The following NAV2 variants were observed in gnomAD, a reference collection of about 807,000 sequenced individuals.
The protein encoded by NAV2 is neuron navigator 2.
NAV2 carries 54 observed loss-of-function variants against 223.2 expected under a neutral mutation model. That is an observed-to-expected ratio of 0.24 (90% CI 0.19 to 0.30). The LOEUF is 0.30. Ranked by LOEUF, NAV2 falls within the 10% of genes least tolerant of loss-of-function variation. The pLI, the probability that NAV2 is intolerant of heterozygous loss-of-function variation, is 1.00. For synonymous variants in NAV2, 1,279 were observed against 1,239.3 expected (o/e 1.03, Z -0.67); for missense variants, 2,806 against 3,147.5 (o/e 0.89, Z 2.60).
Position 19,984,235 on chromosome 11 carries a change from G to T in NAV2, c.2756G>T (p.Gly919Val), listed in dbSNP as rs1387910876. ...TLQRNTSLGL[G>V]DADSWDDSSS... ...CAACGAAATACCTCCCTGGGCCTCG[G>T]AGACGCTGACAGGTAAGCTTGCTGC... Residue 919 changes from glycine to valine, a missense_variant, in exon 11 of 38, where the codon GGA becomes GTA. This residue lies in a region of NAV2 where 73 missense variants were observed against 119.7 expected (regional missense o/e 0.61). Coordinates refer to ENST00000349880, the MANE Select transcript of NAV2 (RefSeq NM_145117.5). 6.2e-7 allele frequency: 1 copy of T among 1,614,082 alleles called. No individual in the cohort carries two copies. The highest frequency in any genetic ancestry group is 8.5e-7 in the Non-Finnish European group (1 of 1,180,016).
chr11:19,460,563 A>G (rs1331468557), intron 1 of NAV2, among the ~76,000 whole-genome samples: 1 of 148,112 alleles, frequency 6.8e-6, no homozygotes, highest in Non-Finnish European at 1.5e-5. Flanking sequence ...AAAACCAAAC[A>G]CCGCATGTTC....
intron 30 of NAV2, among the ~76,000 whole-genome samples, chr11:20,096,396 T>C (rs933139314): frequency 3.3e-5 from 5 of 152,220 alleles, no homozygotes; most frequent in African/African-American, 1.2e-4. Context: ...TTGGTACATT[T>C]TTTCTATTGT....
chr11:19,996,563 C>G (rs1029366610), intron 11 of NAV2, among the ~76,000 whole-genome samples: 1 of 152,174 alleles, frequency 6.6e-6, no homozygotes, highest in Non-Finnish European at 1.5e-5. Flanking sequence ...TGTTTTATTG[C>G]CAGAACCCCC....
intron 4 of NAV2, among the ~76,000 whole-genome samples, chr11:19,873,225 G>A (rs2062634424): frequency 1.3e-5 from 2 of 152,184 alleles, no homozygotes; most frequent in African/African-American, 4.8e-5. Context: ...GATCAAGCCA[G>A]TCATATTAAA....
intron 1 of NAV2, among the ~76,000 whole-genome samples, chr11:19,535,218 T>C (rs1038575408): frequency 2.0e-5 from 3 of 152,016 alleles, no homozygotes; most frequent in Non-Finnish European, 2.9e-5. Flanking sequence ...GCTGCTGGAA[T>C]GGAAAGAGAG....
At chr11:20,085,324 A>G (rs1045047302) in intron 26 of NAV2, among the ~76,000 whole-genome samples, 1 of 152,168 alleles carries the variant, frequency 6.6e-6, no homozygotes, top group African/African-American at 2.4e-5. Context: ...AGTTGTGGTT[A>G]CGATAAAGTA....
At chr11:19,365,725 G>T (rs1052763988) in intron 1 of NAV2, among the ~76,000 whole-genome samples, 3 of 152,132 alleles carry the variant, frequency 2.0e-5, no homozygotes, top group Admixed American at 2.0e-4. Flanking sequence ...ATTTAAAGAG[G>T]CTTTATATTT....
chr11:19,534,481 AG>A (rs1215918799), intron 1 of NAV2, among the ~76,000 whole-genome samples: 1 of 152,220 alleles, frequency 6.6e-6, no homozygotes, highest in South Asian at 2.1e-4. Flanking sequence ...GTCTCATGGA[AG>A]GAGAGCAATA....
rs189753147 is a variant in NAV2 at position 19,360,672 on chromosome 11, A to T, written c.75+9645A>T. 3.4e-3 allele frequency among the ~76,000 whole-genome samples: 511 copies of T among 152,350 alleles called. 1 individual carries two copies. Among genetic ancestry groups the T allele is most frequent in the Non-Finnish European group, 5.4e-3 (366 of 68,040 alleles). On this transcript the variant is annotated intron_variant, in intron 1 of 37. Coordinates refer to the NAV2 transcript ENST00000360655. ...AGGGTGGATCGCTCCAGAAGAAGGC[A>T]TGAGTGGACAGGCAGTGATTGACAT...
intron 11 of NAV2, among the ~76,000 whole-genome samples, chr11:20,013,464 C>G (rs1487096895): frequency 1.3e-5 from 1 of 78,006 alleles, no homozygotes; most frequent in Non-Finnish European, 2.5e-5. Context: ...GAGTTGGGCT[C>G]TTTGCCAAAC....
chr11:19,744,590 A>T (rs952646435), intron 1 of NAV2, among the ~76,000 whole-genome samples: 6 of 152,064 alleles, frequency 3.9e-5, no homozygotes, highest in Non-Finnish European at 7.4e-5. Context: ...GATTTGTGAC[A>T]TGGGTATAAA....
intron 1 of NAV2, among the ~76,000 whole-genome samples, chr11:19,672,356 A>G (rs2048595716): frequency 6.6e-6 from 1 of 152,036 alleles, no homozygotes; most frequent in Non-Finnish European, 1.5e-5. Flanking sequence ...CTTAGCAGTG[A>G]GGGAGATCTA....
chr11:19,946,864 A>G (rs1177888125), intron 9 of NAV2, among the ~76,000 whole-genome samples: 2 of 152,212 alleles, frequency 1.3e-5, no homozygotes, highest in Non-Finnish European at 2.9e-5. Flanking sequence ...AATAGCTTGA[A>G]TTCCTACCCA....
intron 2 of NAV2, among the ~76,000 whole-genome samples, chr11:19,840,544 T>C (rs2060454184): frequency 6.6e-6 from 1 of 152,222 alleles, no homozygotes; most frequent in Non-Finnish European, 1.5e-5. Flanking sequence ...AGTATCCATT[T>C]GGAAGACACC....
intron 1 of NAV2, among the ~76,000 whole-genome samples, chr11:19,368,937 A>G (rs1848379586): frequency 6.6e-6 from 1 of 152,214 alleles, no homozygotes; most frequent in Non-Finnish European, 1.5e-5. Context: ...GTTATATTTT[A>G]ACAAAGTATA....
intron 1 of NAV2, among the ~76,000 whole-genome samples, chr11:19,524,277 T>C (rs2632062): frequency 0.072 from 10,958 of 152,256 alleles, 1,320 homozygotes; most frequent in African/African-American, 0.25. Flanking sequence ...GAGTATCTGC[T>C]GGTTGGGTTA....
intron 1 of NAV2, among the ~76,000 whole-genome samples, chr11:19,582,710 G>A (rs7395968): frequency 0.86 from 130,189 of 151,156 alleles, 58,803 homozygotes; most frequent in Non-Finnish European, 1. Flanking sequence ...GCTCTGTTCT[G>A]TTCCATTGGT....
chr11:19,399,507 CAG>C (rs1409248798), intron 1 of NAV2, among the ~76,000 whole-genome samples: 2 of 152,174 alleles, frequency 1.3e-5, no homozygotes, highest in Non-Finnish European at 2.9e-5. Context: ...ACAGGGGACA[CAG>C]AGAAACTGGA....
At chr11:19,654,603 C>T (rs1317533920) in intron 1 of NAV2, among the ~76,000 whole-genome samples, 1 of 152,206 alleles carries the variant, frequency 6.6e-6, no homozygotes, top group East Asian at 1.9e-4. Flanking sequence ...CTACAACTAT[C>T]TGAACTTTGA....
Sources: allele counts gnomAD v4.1 joint callset (sites outside exome capture counted in the v4.1 genomes callset), GRCh38; gene constraint gnomAD v4.1.1; regional missense constraint gnomAD v4.1.1; transcripts MANE v1.5; gene names NCBI Gene and HGNC (gene_info 2026-07-23, HGNC 2026-07-21).